MINAR1: variants seen among roughly 807,000 people sequenced by gnomAD.
The protein encoded by MINAR1 is major intrinsically disordered Notch2-binding receptor 1.
Under a neutral mutation model 65.1 loss-of-function variants are expected in MINAR1, and 40 were observed. The ratio of observed to expected loss-of-function variants is 0.61; its 90% confidence interval spans 0.48 to 0.80. The LOEUF (loss-of-function observed/expected upper bound fraction) is 0.80, where lower values mean the gene tolerates loss of function less well. MINAR1 is among the 30% of genes least tolerant of loss of function. The pLI, the probability that MINAR1 is intolerant of heterozygous loss-of-function variation, is 0.00. For synonymous variants in MINAR1, 482 were observed against 449.1 expected (o/e 1.07, Z -0.93); for missense variants, 1,128 against 1,148.0 (o/e 0.98, Z 0.25).
At chr15:79,461,789 G>A (rs1257024629) in intron 2 of MINAR1, among the ~76,000 whole-genome samples, 1 of 152,020 alleles carries the variant, frequency 6.6e-6, no homozygotes, top group African/African-American at 2.4e-5. Flanking sequence ...CACCACGTGT[G>A]CTTCCAACCC....
At chr15:79,441,420 G>C (rs1437722425) in intron 1 of MINAR1, among the ~76,000 whole-genome samples, 1 of 152,068 alleles carries the variant, frequency 6.6e-6, no homozygotes. Context: ...CTTATTAATG[G>C]CTACATGGTA....
chr15:79,414,538 C>T, the MINAR1 span: 1 of 152,118 alleles, frequency 6.6e-6, no homozygotes, highest in African/African-American at 2.4e-5. Context: ...GGGGGAGAAG[C>T]TAAGGTGGAA....
At position 79,471,746 on chromosome 15, in the gene MINAR1, A is replaced by C. The variant is rs986838832; in HGVS notation, c.*3362A>C. 4 of 152,412 alleles carry C rather than the reference A, an allele frequency of 2.6e-5. No homozygotes were observed. Among genetic ancestry groups the C allele is most frequent in the African/African-American group, 9.7e-5 (4 of 41,364 alleles). 9.4% of individuals were successfully genotyped at this position (152,412 alleles called of 1,614,324 possible). A position where few individuals can be genotyped will look rare whatever the true frequency, so the allele number is the denominator to read the frequency against. On this transcript the variant is annotated 3_prime_UTR_variant, in exon 4 of 4. Coordinates refer to ENST00000305428, the MANE Select transcript of MINAR1 (RefSeq NM_015206.3). ...TTTTTGAAATAGAAAAAAACAGAAG[A>C]AGCTCTGCCAACAATAAAAGATTTT... is the stretch of plus-strand genomic sequence containing the variant.
chr15:79,414,644 AAAAG>A, the MINAR1 span: 1 of 152,190 alleles, frequency 6.6e-6, no homozygotes, highest in African/African-American at 2.4e-5. Context: ...GGTATAGCTA[AAAAG>A]AAGGCAGTTT....
intron 1 of MINAR1, among the ~76,000 whole-genome samples, chr15:79,442,165 A>G (rs1370206328): frequency 6.7e-6 from 1 of 149,750 alleles, no homozygotes; most frequent in Non-Finnish European, 1.5e-5. Context: ...TGTGTGGAAA[A>G]CCCTTTCACT....
intron 3 of MINAR1, chr15:79,463,587 A>G: frequency 1.6e-6 from 1 of 644,388 alleles, no homozygotes; most frequent in Non-Finnish European, 2.9e-6. Flanking sequence ...CTGATTTGCT[A>G]ACAATGCATT....
At chr15:79,466,525 G>C (rs1895864542) in intron 3 of MINAR1, among the ~76,000 whole-genome samples, 1 of 151,980 alleles carries the variant, frequency 6.6e-6, no homozygotes, top group Admixed American at 6.6e-5. Context: ...ATATTCTTTT[G>C]ATTTTTTTTC....
the MINAR1 span, chr15:79,413,360 A>G: frequency 6.6e-6 from 1 of 152,238 alleles, no homozygotes; most frequent in African/African-American, 2.4e-5. Flanking sequence ...GATCCACCCA[A>G]TTATTGGCTC....
At position 79,469,292 on chromosome 15, in the gene MINAR1, G is replaced by A. The variant is rs748399363; in HGVS notation, c.*908G>A. On this transcript the variant is annotated 3_prime_UTR_variant, in exon 4 of 4. Coordinates refer to ENST00000305428, the MANE Select transcript of MINAR1 (RefSeq NM_015206.3). ...TGAAGAGTTTGGAACTTGTCCTTGTGCCTTGAAGAGTAGAGACAATGGCTA... is the reference window on the plus strand; with the variant it reads ...TGAAGAGTTTGGAACTTGTCCTTGTACCTTGAAGAGTAGAGACAATGGCTA... 1 of 152,590 alleles carries A rather than the reference G, an allele frequency of 6.6e-6. No homozygotes were observed. Among genetic ancestry groups the A allele is most frequent in the Admixed American group, 6.5e-5 (1 of 15,290 alleles). The allele number at this position is 152,590 out of a possible 1,614,324, so 9.5% of individuals were successfully genotyped here.
intron 3 of MINAR1, among the ~76,000 whole-genome samples, chr15:79,467,108 C>T (rs1399941199): frequency 6.6e-6 from 1 of 152,150 alleles, no homozygotes; most frequent in African/African-American, 2.4e-5. Flanking sequence ...GAAGGTCAGG[C>T]AGAGAATTAC....
intron 1 of MINAR1, among the ~76,000 whole-genome samples, chr15:79,449,222 T>A (rs929830843): frequency 6.6e-6 from 1 of 152,192 alleles, no homozygotes; most frequent in Non-Finnish European, 1.5e-5. Context: ...CATCAGCGTA[T>A]CCTGTAGGTT....
At chr15:79,427,358 C>T (rs1024884531), upstream of MINAR1, 1 of 152,138 alleles carries the variant, frequency 6.6e-6, no homozygotes, top group Non-Finnish European at 1.5e-5. Flanking sequence ...ACAACAAACC[C>T]TCATGACACG....
chr15:79,436,771 C>T (rs4779083), intron 1 of MINAR1, among the ~76,000 whole-genome samples: 80,540 of 152,084 alleles, frequency 0.53, 22,238 homozygotes, highest in Admixed American at 0.63. Context: ...TTCTGATGCT[C>T]TGAGCATTGT....
chr15:79,469,893 C>CATCT lies in MINAR1; in HGVS notation c.*1510_*1513dup, dbSNP rs1317459129. ...AATAAATTTCTAAAAGATTTGAGAGCATCTCAATTTTTAAAGCAATAGGAG... is the reference window on the plus strand; with the variant it reads ...AATAAATTTCTAAAAGATTTGAGAGCATCTATCTCAATTTTTAAAGCAATAGGAG... On this transcript the variant is annotated 3_prime_UTR_variant, in exon 4 of 4. Coordinates refer to ENST00000305428, the MANE Select transcript of MINAR1 (RefSeq NM_015206.3). The CATCT allele has an allele frequency of 6.6e-6, 1 of 152,568 alleles. No individual in the cohort carries two copies. Among genetic ancestry groups the CATCT allele is most frequent in the Non-Finnish European group, 1.5e-5 (1 of 68,022 alleles). The allele number at this position is 152,568 out of a possible 1,614,324, so 9.5% of individuals were successfully genotyped here. A position where few individuals can be genotyped will look rare whatever the true frequency, so the allele number is the denominator to read the frequency against.
chr15:79,455,062 G>T (rs1383849584), intron 1 of MINAR1, among the ~76,000 whole-genome samples: 1 of 152,190 alleles, frequency 6.6e-6, no homozygotes, highest in Non-Finnish European at 1.5e-5. Flanking sequence ...GGATAGATAT[G>T]TAATAAAGCA....
In MINAR1 at chr15:79,470,219, G is replaced by A. The variant is rs563834855; in HGVS notation, c.*1835G>A. On this transcript the variant is annotated 3_prime_UTR_variant, in exon 4 of 4. Coordinates refer to ENST00000305428, the MANE Select transcript of MINAR1 (RefSeq NM_015206.3). ...TCTATCATCAGAATTATAGTCTTTG[G>A]TGCTCTGTTTTCAATGGGGCATATT... The A allele has an allele frequency of 2.6e-5, 4 of 152,584 alleles. No individual in the cohort carries two copies. The highest frequency in any genetic ancestry group is 1.3e-4 in the Admixed American group (2 of 15,272). The allele number at this position is 152,584 out of a possible 1,614,324, so 9.5% of individuals were successfully genotyped here. A position where few individuals can be genotyped will look rare whatever the true frequency, so the allele number is the denominator to read the frequency against.
chr15:79,411,886 A>AG, the MINAR1 span: 1 of 193,318 alleles, frequency 5.2e-6, no homozygotes, highest in Non-Finnish European at 1.1e-5. Context: ...CTTTAACCCT[A>AG]GGGGGACTGT....
chr15:79,468,353 T>C lies in MINAR1; in HGVS notation c.2720T>C (p.Ile907Thr). Residue 907 changes from isoleucine (I) to threonine (T), a missense_variant, in exon 4 of 4, where the codon ATT (isoleucine) becomes ACT (threonine). Physicochemically the swap from Ile to Thr is moderately conservative, Grantham distance 89. Transcript: ENST00000305428. ...GCGGCATGCACCGTCATCCTCGTTATTGTCGTGCCCATCTGCACAATGAAA... is the reference window on the plus strand; with the variant it reads ...GCGGCATGCACCGTCATCCTCGTTACTGTCGTGCCCATCTGCACAATGAAA... ...AAAACTVILV[I>T]VVPICTMKS The C allele has an allele frequency of 6.2e-7, 1 of 1,614,084 alleles. No homozygotes were observed. Among genetic ancestry groups the C allele is most frequent in the Non-Finnish European group, 8.5e-7 (1 of 1,180,000 alleles).
chr15:79,454,638 A>C (rs1895348974), intron 1 of MINAR1, among the ~76,000 whole-genome samples: 1 of 152,194 alleles, frequency 6.6e-6, no homozygotes, highest in Admixed American at 6.5e-5. Flanking sequence ...AGATCTGTTA[A>C]TGTAGTGTTT....
Sources: gnomAD v4.1 joint callset for allele counts (sites outside exome capture counted in the v4.1 genomes callset) on GRCh38, gnomAD v4.1.1 for gene constraint, MANE v1.5 for transcripts, NCBI Gene and HGNC (gene_info 2026-07-23, HGNC 2026-07-21) for gene names.